DMRT1: variants seen among roughly 807,000 people sequenced by gnomAD.
The protein encoded by DMRT1 is doublesex- and mab-3-related transcription factor 1.
A neutral mutation model predicts 32.3 loss-of-function variants in DMRT1; 7 were observed. The ratio of observed to expected loss-of-function variants is 0.22; its 90% confidence interval spans 0.12 to 0.41. The LOEUF (loss-of-function observed/expected upper bound fraction) is 0.41, where lower values mean the gene tolerates loss of function less well. Ranked by LOEUF, DMRT1 falls within the 10% of genes least tolerant of loss-of-function variation. DMRT1 has a pLI of 1.00. For synonymous variants in DMRT1, 278 were observed against 206.1 expected, an observed-to-expected ratio of 1.35 and a Z score of -2.99; for missense variants, 625 against 500.5, an observed-to-expected ratio of 1.25 and a Z score of -2.37.
At chr9:914,025 C>A (rs998344173) in intron 3 of DMRT1, among the ~76,000 whole-genome samples, 7 of 152,152 alleles carry the variant, frequency 4.6e-5, no homozygotes, top group African/African-American at 1.7e-4. Flanking sequence ...ACCATCAGGA[C>A]CTGCATTTTA....
intron 4 of DMRT1, among the ~76,000 whole-genome samples, chr9:917,778 G>C (rs1439021535): frequency 1.3e-5 from 2 of 152,164 alleles, no homozygotes; most frequent in African/African-American, 4.8e-5. Flanking sequence ...TTCAGAACCA[G>C]AAAGTCTAAA....
intron 4 of DMRT1, among the ~76,000 whole-genome samples, chr9:947,956 A>G (rs1371595159): frequency 1.3e-5 from 2 of 152,172 alleles, no homozygotes. Flanking sequence ...TTTCTGTTAG[A>G]TGTTCCAGGA....
At chr9:869,456 A>G (rs573556824) in intron 2 of DMRT1, among the ~76,000 whole-genome samples, 2 of 152,298 alleles carry the variant, frequency 1.3e-5, no homozygotes, top group East Asian at 3.9e-4. Flanking sequence ...AAAATTCAGA[A>G]CTTTTTGAAT....
intron 2 of DMRT1, among the ~76,000 whole-genome samples, chr9:871,534 G>A (rs1017883765): frequency 7.2e-6 from 1 of 139,202 alleles, no homozygotes; most frequent in African/African-American, 2.8e-5. Context: ...GTAGAGACGG[G>A]GTTTCACCGT....
chr9:878,208 C>CCCCCG (rs1554749505), intron 2 of DMRT1, among the ~76,000 whole-genome samples: 2 of 124,882 alleles, frequency 1.6e-5, no homozygotes, highest in African/African-American at 6.1e-5. Flanking sequence ...CTGCCCCCCC[C>CCCCCG]CCACCCAATA....
At chr9:938,637 A>T (rs1261079067) in intron 4 of DMRT1, among the ~76,000 whole-genome samples, 1 of 152,146 alleles carries the variant, frequency 6.6e-6, no homozygotes, top group Non-Finnish European at 1.5e-5. Flanking sequence ...TAGCTCTATC[A>T]GTTTTTTTGT....
intron 2 of DMRT1, among the ~76,000 whole-genome samples, chr9:863,301 G>C (rs1337904161): frequency 6.9e-6 from 1 of 143,888 alleles, no homozygotes; most frequent in Non-Finnish European, 1.5e-5. Flanking sequence ...CTGGGTGACA[G>C]AGTGAGGCCA....
chr9:922,064 G>C (rs960012394), intron 4 of DMRT1, among the ~76,000 whole-genome samples: 1 of 151,366 alleles, frequency 6.6e-6, no homozygotes, highest in Non-Finnish European at 1.5e-5. Context: ...TTTTTCTGTA[G>C]AAACAGAGTT....
At chr9:956,669 A>G (rs1445893102) in intron 4 of DMRT1, among the ~76,000 whole-genome samples, 3 of 152,232 alleles carry the variant, frequency 2.0e-5, no homozygotes, top group African/African-American at 7.2e-5. Flanking sequence ...TTTTACTACA[A>G]TAAAAAATTA....
At chr9:955,173 A>T (rs1303070428) in intron 4 of DMRT1, among the ~76,000 whole-genome samples, 1 of 151,808 alleles carries the variant, frequency 6.6e-6, no homozygotes, top group Non-Finnish European at 1.5e-5. Context: ...ACTGGGGAGG[A>T]GGGAGAGGGT....
intron 2 of DMRT1, among the ~76,000 whole-genome samples, chr9:886,831 T>G (rs1474921514): frequency 6.6e-6 from 1 of 152,214 alleles, no homozygotes; most frequent in African/African-American, 2.4e-5. Flanking sequence ...CAAATATTGC[T>G]GGCTTCTCTC....
At chr9:878,200 G>C (rs1198306925) in intron 2 of DMRT1, among the ~76,000 whole-genome samples, 50 of 94,056 alleles carry the variant, frequency 5.3e-4, no homozygotes, top group East Asian at 2.9e-3. Context: ...TGCAGCTGCT[G>C]CCCCCCCCCC....
chr9:901,429 C>T (rs994204292), intron 3 of DMRT1, among the ~76,000 whole-genome samples: 7 of 151,964 alleles, frequency 4.6e-5, no homozygotes, highest in Admixed American at 2.6e-4. Flanking sequence ...CGGGTTCAAG[C>T]GATTCTCCTG....
At chr9:911,728 G>A (rs1817995590) in intron 3 of DMRT1, among the ~76,000 whole-genome samples, 3 of 152,210 alleles carry the variant, frequency 2.0e-5, no homozygotes, top group African/African-American at 7.2e-5. Flanking sequence ...CTGACCTCAG[G>A]TGATCCACTC....
At chr9:932,089 G>A (rs1378004064) in intron 4 of DMRT1, among the ~76,000 whole-genome samples, 1 of 152,112 alleles carries the variant, frequency 6.6e-6, no homozygotes, top group Non-Finnish European at 1.5e-5. Flanking sequence ...GATAGAGAAC[G>A]CAGTGGTCAC....
chr9:854,777 T>C (rs901339029), intron 2 of DMRT1, among the ~76,000 whole-genome samples: 7 of 125,908 alleles, frequency 5.6e-5, no homozygotes, highest in Admixed American at 1.6e-4. Flanking sequence ...AACTCCTTTT[T>C]TTTTTTGAAA....
At chr9:887,489 G>C (rs1174952769) in intron 2 of DMRT1, among the ~76,000 whole-genome samples, 1 of 152,144 alleles carries the variant, frequency 6.6e-6, no homozygotes, top group East Asian at 1.9e-4. Flanking sequence ...TTCACATTCA[G>C]GGTCTTCAGC....
At chr9:967,564 G>A (rs1012900724) in intron 4 of DMRT1, among the ~76,000 whole-genome samples, 2 of 152,194 alleles carry the variant, frequency 1.3e-5, no homozygotes, top group Non-Finnish European at 2.9e-5. Context: ...TGGGTTACCT[G>A]TCGTGGTGGA....
chr9:904,548 G>A (rs1358305791), intron 3 of DMRT1, among the ~76,000 whole-genome samples: 2 of 152,184 alleles, frequency 1.3e-5, no homozygotes, highest in African/African-American at 4.8e-5. Flanking sequence ...ACTCCTTTAT[G>A]CATTTGTTGA....
Sources: allele counts gnomAD v4.1 joint callset (sites outside exome capture counted in the v4.1 genomes callset), GRCh38; gene constraint gnomAD v4.1.1; transcripts MANE v1.5; gene names NCBI Gene and HGNC (gene_info 2026-07-23, HGNC 2026-07-21).